MYLK4: variants seen among roughly 807,000 people sequenced by gnomAD.
MYLK4 encodes the protein myosin light chain kinase family member 4, also known as caMLCK like.
MYLK4 carries 46 observed loss-of-function variants against 48.1 expected under a neutral mutation model. That is an observed-to-expected ratio of 0.96 (90% confidence interval 0.75 to 1.22). The LOEUF is 1.22. Among genes scored for constraint, MYLK4 ranks in the 50% most tolerant of loss-of-function variants. The pLI is 0.00. For synonymous variants in MYLK4, 170 were observed against 180.8 expected (o/e 0.94, Z 0.48); for missense variants, 451 against 486.1 (o/e 0.93, Z 0.68).
chr6:2,770,012 C>T, the MYLK4 span: 8 of 1,494,534 alleles, frequency 5.4e-6, no homozygotes, highest in African/African-American at 7.0e-5. Context: ...TTCCTGAACT[C>T]GAAAGATAAA....
chr6:2,765,410 G>C, the MYLK4 span: 1 of 445,200 alleles, frequency 2.2e-6, no homozygotes, highest in East Asian at 4.8e-5. Context: ...CCGACACGCC[G>C]CGTGAGGCGC....
At chr6:2,690,995 A>AT (rs1470622672) in intron 3 of MYLK4, among the ~76,000 whole-genome samples, 4 of 151,506 alleles carry the variant, frequency 2.6e-5, no homozygotes, top group Non-Finnish European at 5.9e-5. Context: ...CGCCCGGCTA[A>AT]TTTTTTTGTA....
chr6:2,748,857 T>G (rs1056061736), intron 2 of MYLK4, among the ~76,000 whole-genome samples: 1 of 152,222 alleles, frequency 6.6e-6, no homozygotes, highest in Non-Finnish European at 1.5e-5. Flanking sequence ...AAATCCATCA[T>G]GCTAAAGGAT....
At chr6:2,686,538 G>A (rs191058903) in intron 4 of MYLK4, among the ~76,000 whole-genome samples, 75 of 152,286 alleles carry the variant, frequency 4.9e-4, no homozygotes, top group African/African-American at 1.7e-3. Flanking sequence ...GCTAGAACAC[G>A]TGTCCCTGCT....
At chr6:2,674,762 C>T (rs749706585) in intron 11 of MYLK4, among the ~76,000 whole-genome samples, 1 of 152,096 alleles carries the variant, frequency 6.6e-6, no homozygotes, top group African/African-American at 2.4e-5. Context: ...TCCCAGCTAC[C>T]TGTGAGACTG....
rs147281942 is a variant in MYLK4, at chr6:2,685,626, G to A, written c.342-50C>T. ...GCATGAGGCCCTGTGGTCAGCTGCC[G>A]AGTGGACAGCGCACAGTGGCCCCAG... On this transcript the variant is annotated intron_variant, in intron 4 of 12. Coordinates refer to ENST00000274643, the MANE Select transcript of MYLK4 (RefSeq NM_001012418.5). This position sits in a 1 kb window ranked among gnomAD's most constrained non-coding sequence, Gnocchi z 4.5. 1.8e-4 allele frequency: 281 copies of A among 1,548,214 alleles called. 2 individuals carry two copies. The African/African-American group carries it at 3.2e-3, about 18-fold the overall frequency.
chr6:2,752,104 C>A (rs13204159), upstream of MYLK4, among the ~76,000 whole-genome samples: 1 of 152,116 alleles, frequency 6.6e-6, no homozygotes, highest in South Asian at 2.1e-4. Context: ...ACCACCACCA[C>A]GCAAAAGCAG....
At chr6:2,709,484 G>A (rs1762599079) in intron 2 of MYLK4, among the ~76,000 whole-genome samples, 1 of 152,198 alleles carries the variant, frequency 6.6e-6, no homozygotes, top group African/African-American at 2.4e-5. Context: ...CACAAAGGAG[G>A]TTCACCACCT....
rs1056417646 is a variant in MYLK4, at chr6:2,683,242, A to T, written c.546-80T>A. The stretch of plus-strand genomic sequence containing the variant: ...CTTTTCTCGTAGTGACTTGTCGTGC[A>T]AGTTCTGCTACCTCTTCTGAAAGGT... On this transcript the variant is annotated intron_variant, in intron 6 of 12. Coordinates refer to ENST00000274643, the MANE Select transcript of MYLK4 (RefSeq NM_001012418.5). 8.7e-6 allele frequency: 13 copies of T among 1,490,334 alleles called. No individual in the cohort carries two copies. The African/African-American group carries it at 1.7e-4, about 19-fold the overall frequency. The allele number at this position is 1,490,334 out of a possible 1,614,324, so 92.3% of individuals were successfully genotyped here.
chr6:2,713,386 A>C (rs1040505530), intron 2 of MYLK4, among the ~76,000 whole-genome samples: 5 of 44,468 alleles, frequency 1.1e-4, no homozygotes, highest in East Asian at 9.4e-4. Flanking sequence ...AAAAAAAAAA[A>C]AGAAAAAAAG....
At chr6:2,734,728 C>T (rs948729852) in intron 2 of MYLK4, among the ~76,000 whole-genome samples, 1 of 152,086 alleles carries the variant, frequency 6.6e-6, no homozygotes, top group African/African-American at 2.4e-5. Context: ...CATATATTCA[C>T]AACTGCAGTA....
At chr6:2,694,551 GTAGTCGTGGTGGTAGTGGTAGTGCTGC>G (rs1761970982) in intron 2 of MYLK4, among the ~76,000 whole-genome samples, 21 of 12,026 alleles carry the variant, frequency 1.7e-3, no homozygotes, top group Middle Eastern at 0.062. Context: ...GGTTGTGGTG[GTAGTCGTGGTGGTAGTGGTAGTGCTGC>G]TGGTGGTGGT....
chr6:2,736,420 A>G (rs1232145061), intron 2 of MYLK4, among the ~76,000 whole-genome samples: 1 of 152,236 alleles, frequency 6.6e-6, no homozygotes, highest in Non-Finnish European at 1.5e-5. Flanking sequence ...ACACCCAGCT[A>G]ATTTTTTAAC....
chr6:2,705,571 C>T (rs899795329), intron 2 of MYLK4, among the ~76,000 whole-genome samples: 2 of 152,144 alleles, frequency 1.3e-5, no homozygotes, highest in African/African-American at 2.4e-5. Flanking sequence ...ATCTCTTATT[C>T]TCCAAGGCAG....
chr6:2,701,411 C>A (rs541078645), intron 2 of MYLK4, among the ~76,000 whole-genome samples: 3 of 152,120 alleles, frequency 2.0e-5, no homozygotes, highest in Non-Finnish European at 2.9e-5. Flanking sequence ...TAATGTGAGG[C>A]GAGGTGTGGT....
intron 7 of MYLK4, among the ~76,000 whole-genome samples, chr6:2,681,170 C>T (rs1294837996): frequency 6.6e-6 from 1 of 152,176 alleles, no homozygotes; most frequent in African/African-American, 2.4e-5. Flanking sequence ...AGGGCACCAT[C>T]CCAGAAGCCA....
chr6:2,703,526 G>A (rs1307763154), intron 2 of MYLK4, among the ~76,000 whole-genome samples: 2 of 152,104 alleles, frequency 1.3e-5, no homozygotes, highest in Non-Finnish European at 2.9e-5. Context: ...ATGGGTCTGG[G>A]TTGAAGCCCA....
chr6:2,700,927 C>T (rs891965285), intron 2 of MYLK4, among the ~76,000 whole-genome samples: 2 of 152,168 alleles, frequency 1.3e-5, no homozygotes, highest in Non-Finnish European at 2.9e-5. Context: ...AAAAACTATA[C>T]ATCAAGGGAT....
chr6:2,762,387 A>C, the MYLK4 span, among the ~76,000 whole-genome samples: 2 of 152,254 alleles, frequency 1.3e-5, no homozygotes, highest in African/African-American at 4.8e-5. Flanking sequence ...GTAGACTTGT[A>C]GATTTTCCAC....
Sources: gnomAD v4.1 joint callset for allele counts (sites outside exome capture counted in the v4.1 genomes callset) on GRCh38, gnomAD v4.1.1 for gene constraint, Gnocchi (gnomAD v3.1) non-coding constraint, MANE v1.5 for transcripts, NCBI Gene and HGNC (gene_info 2026-07-23, HGNC 2026-07-21) for gene names.